ACBD6: variants seen among roughly 807,000 people sequenced by gnomAD.
The protein encoded by ACBD6 is acyl-CoA-binding domain-containing protein 6.
ACBD6 carries 28 observed loss-of-function variants against 37.2 expected under a neutral mutation model. The ratio of observed to expected loss-of-function variants is 0.75; its 90% CI spans 0.56 to 1.03. ACBD6 has a LOEUF of 1.03. Ranked by LOEUF, ACBD6 falls within the 50% of genes least tolerant of loss-of-function variation. The pLI, the probability that ACBD6 is intolerant of heterozygous loss-of-function variation, is 0.00. For missense variants in ACBD6, 340 were observed against 337.4 expected, an observed-to-expected ratio of 1.01 and a Z score of -0.06; for synonymous variants, 113 against 126.8, an observed-to-expected ratio of 0.89 and a Z score of 0.73.
At chr1:180,425,750 G>A (rs565321543) in intron 4 of ACBD6, among the ~76,000 whole-genome samples, 25 of 152,120 alleles carry the variant, frequency 1.6e-4, no homozygotes, top group Admixed American at 5.9e-4. Context: ...AACTATACAC[G>A]TTACAGCTTT....
chr1:180,382,851 A>T (rs1653710009), intron 6 of ACBD6, among the ~76,000 whole-genome samples: 1 of 152,220 alleles, frequency 6.6e-6, no homozygotes, highest in Non-Finnish European at 1.5e-5. Context: ...ATACATCATG[A>T]TCAAATGGGA....
chr1:180,402,723 T>C (rs924771523), intron 5 of ACBD6, among the ~76,000 whole-genome samples: 1 of 151,112 alleles, frequency 6.6e-6, no homozygotes, highest in Non-Finnish European at 1.5e-5. Context: ...CTTAAGCCCA[T>C]GAAGTCATGG....
chr1:180,328,185 C>T (rs769440306), intron 6 of ACBD6, among the ~76,000 whole-genome samples: 1 of 151,470 alleles, frequency 6.6e-6, no homozygotes, highest in Non-Finnish European at 1.5e-5. Flanking sequence ...TTTTATCACA[C>T]TGAATCAAGA....
chr1:180,399,811 A>C (rs1468879753), intron 5 of ACBD6, among the ~76,000 whole-genome samples: 3 of 152,254 alleles, frequency 2.0e-5, no homozygotes, highest in African/African-American at 7.2e-5. Context: ...AATACATTAA[A>C]AGAATCAGAC....
intron 2 of ACBD6, among the ~76,000 whole-genome samples, chr1:180,494,598 A>G (rs1651655334): frequency 6.6e-6 from 1 of 152,232 alleles, no homozygotes; most frequent in Non-Finnish European, 1.5e-5. Context: ...CAGGCAGGAA[A>G]TGTATCCAGG....
chr1:180,338,267 C>T (rs1401919996), intron 6 of ACBD6, among the ~76,000 whole-genome samples: 1 of 152,210 alleles, frequency 6.6e-6, no homozygotes, highest in African/African-American at 2.4e-5. Context: ...AATCACACTA[C>T]CTGACTTCAA....
chr1:180,271,482 A>C (rs1648655395), exon 14 of ACBD6: 1 of 1,614,162 alleles, frequency 6.2e-7, no homozygotes, highest in Non-Finnish European at 8.5e-7. Context: ...CCTGCCCGGC[A>C]CGTGAGGGAG....
At chr1:180,424,001 T>A (rs1283868363) in intron 4 of ACBD6, among the ~76,000 whole-genome samples, 1 of 152,168 alleles carries the variant, frequency 6.6e-6, no homozygotes, top group Non-Finnish European at 1.5e-5. Context: ...GAAAGTACAT[T>A]TTTTTAAAAC....
intron 9 of ACBD6, chr1:180,277,880 G>A (rs1012100799): frequency 6.7e-6 from 1 of 149,742 alleles, no homozygotes; most frequent in Non-Finnish European, 1.5e-5. Context: ...CTTTTTTTGG[G>A]GGGGGGCAGT....
chr1:180,502,569 A>C lies in ACBD6; in HGVS notation c.-303T>G. On this transcript the variant is annotated 5_prime_UTR_variant, in exon 1 of 8. Coordinates refer to ENST00000367595, the MANE Select transcript of ACBD6 (RefSeq NM_032360.4). ...GGCCCCTCCAACGGAACAGGAGTCG[A>C]GGGGCAGTGAGGCCGGGATGCGTGC... The C allele has an allele frequency of 2.4e-6, 1 of 420,226 alleles. No homozygotes were observed. The highest frequency in any genetic ancestry group is 4.5e-6 in the Non-Finnish European group (1 of 224,008). 26.0% of individuals were successfully genotyped at this position (420,226 alleles called of 1,614,324 possible).
intron 7 of ACBD6, among the ~76,000 whole-genome samples, chr1:180,302,431 TC>T (rs1380717064): frequency 6.6e-6 from 1 of 152,154 alleles, no homozygotes; most frequent in Non-Finnish European, 1.5e-5. Flanking sequence ...TTAGGATAGT[TC>T]GCTCTTCCTG....
intron 3 of ACBD6, among the ~76,000 whole-genome samples, chr1:180,470,711 A>AACT (rs1268072922): frequency 6.6e-6 from 1 of 152,246 alleles, no homozygotes; most frequent in Non-Finnish European, 1.5e-5. Context: ...AACACCTAGA[A>AACT]AAGACAACAC....
At chr1:180,404,289 T>C (rs1008047659) in intron 5 of ACBD6, among the ~76,000 whole-genome samples, 2 of 152,042 alleles carry the variant, frequency 1.3e-5, no homozygotes, top group South Asian at 2.1e-4. Context: ...AAAAGTTGTA[T>C]GGTGGTGGTG....
chr1:180,278,628 T>TCACA (rs1338574753), intron 9 of ACBD6: 4 of 151,652 alleles, frequency 2.6e-5, no homozygotes, highest in African/African-American at 9.7e-5. Flanking sequence ...GAGGCAAGAA[T>TCACA]CACACCAACT....
chr1:180,287,542 G>C (rs1036082117), downstream of ACBD6: 1 of 138,884 alleles, frequency 7.2e-6, no homozygotes, highest in African/African-American at 2.7e-5. Flanking sequence ...TAACATATTA[G>C]ATAGACCCAA....
chr1:180,334,637 A>G (rs1489769690), intron 6 of ACBD6, among the ~76,000 whole-genome samples: 1 of 152,250 alleles, frequency 6.6e-6, no homozygotes, highest in Non-Finnish European at 1.5e-5. Context: ...GCTCCTCACC[A>G]GCAATGGAAG....
At chr1:180,433,941 G>A (rs1648915703) in intron 3 of ACBD6, among the ~76,000 whole-genome samples, 1 of 152,066 alleles carries the variant, frequency 6.6e-6, no homozygotes, top group Non-Finnish European at 1.5e-5. Flanking sequence ...AACACATGGA[G>A]GTTCCTGGAG....
downstream of ACBD6, among the ~76,000 whole-genome samples, chr1:180,286,347 T>TA (rs938929109): frequency 1.3e-5 from 2 of 152,176 alleles, no homozygotes; most frequent in African/African-American, 4.8e-5. Context: ...AAACAGGTAA[T>TA]AAAAAACTTG....
intron 3 of ACBD6, chr1:180,435,662 G>A: frequency 1.0e-6 from 1 of 956,652 alleles, no homozygotes; most frequent in Non-Finnish European, 1.7e-6. Context: ...GACAGAGTTT[G>A]GCAGCTCCAT....
Sources: gnomAD v4.1 joint callset for allele counts (sites outside exome capture counted in the v4.1 genomes callset) on GRCh38, gnomAD v4.1.1 for gene constraint, MANE v1.5 for transcripts, NCBI Gene and HGNC (gene_info 2026-07-23, HGNC 2026-07-21) for gene names.